Variants in LTBP1 observed in about 807,000 individuals in gnomAD.
LTBP1 encodes latent-transforming growth factor beta-binding protein 1.
In LTBP1, 129 loss-of-function variants were observed where a neutral mutation model predicts 207.6. The ratio of observed to expected loss-of-function variants is 0.62; its 90% CI spans 0.54 to 0.72. The LOEUF is 0.72. Among genes scored for constraint, LTBP1 ranks in the 30% least tolerant of loss-of-function variants. The pLI is 0.00. For synonymous variants in LTBP1, 963 were observed against 833.7 expected, an observed-to-expected ratio of 1.16 and a Z score of -2.67; for missense variants, 2,281 against 2,217.2, an observed-to-expected ratio of 1.03 and a Z score of -0.58.
At chr2:33,326,775 C>T (rs976656507) in intron 24 of LTBP1, among the ~76,000 whole-genome samples, 2 of 152,024 alleles carry the variant, frequency 1.3e-5, no homozygotes, top group Non-Finnish European at 2.9e-5. Context: ...TCTCCTGCCT[C>T]AGCCTCCCCA....
At chr2:33,175,158 G>T (rs866192727) in intron 5 of LTBP1, among the ~76,000 whole-genome samples, 37 of 151,242 alleles carry the variant, frequency 2.4e-4, no homozygotes, top group Non-Finnish European at 2.4e-4. Context: ...TTGACAAATG[G>T]GATCTAATTA....
intron 3 of LTBP1, among the ~76,000 whole-genome samples, chr2:33,096,625 A>G (rs2079408520): frequency 6.6e-6 from 1 of 152,186 alleles, no homozygotes; most frequent in South Asian, 2.1e-4. Flanking sequence ...ATGTTGGTTT[A>G]TTCTTAGAGT....
At chr2:33,262,990 A>C (rs1350247712) in intron 14 of LTBP1, among the ~76,000 whole-genome samples, 169 bp downstream of exon 14, 1 of 151,768 alleles carries the variant, frequency 6.6e-6, no homozygotes, top group Non-Finnish European at 1.5e-5. Context: ...CAGCATTGTA[A>C]GGATTGTAGT....
chr2:33,190,224 T>C (rs1198972434), intron 7 of LTBP1, among the ~76,000 whole-genome samples: 3 of 152,184 alleles, frequency 2.0e-5, no homozygotes, highest in Non-Finnish European at 4.4e-5. Context: ...GATGGAGGCT[T>C]CGTTCTGTGG....
In LTBP1 at chr2:33,369,669, C is replaced by T. The variant is rs374716568; in HGVS notation, c.4711+4166C>T. Among the ~76,000 whole-genome samples the T allele has an allele frequency of 4.4e-4, 67 of 152,176 alleles. No individual in the cohort carries two copies. The South Asian group carries it at 0.012, about 27-fold the overall frequency. ...ACCTCCCAGGTTCAAGAGATTCTCC[C>T]ACCTATTACAGGCGCGCACCACCAC... On this transcript the variant is annotated intron_variant, in intron 31 of 33. Transcript: ENST00000404816.
In LTBP1 at chr2:33,241,928, A is replaced by G. The variant is rs1367261504; in HGVS notation, c.1877-1734A>G. On this transcript the variant is annotated intron_variant, in intron 9 of 33. Coordinates refer to ENST00000404816, the MANE Select transcript of LTBP1 (RefSeq NM_206943.4). Reference sequence around the variant, plus strand: ...GCATTACAGAACAACACACACTTCAATAAATAATGAGATGGTCAGGTGCTG... The same window carrying G: ...GCATTACAGAACAACACACACTTCAGTAAATAATGAGATGGTCAGGTGCTG... 2.6e-5 allele frequency among the ~76,000 whole-genome samples: 4 copies of G among 152,238 alleles called. No homozygotes were observed. The East Asian group carries it at 5.8e-4, about 22-fold the overall frequency.
intron 9 of LTBP1, among the ~76,000 whole-genome samples, chr2:33,235,975 C>T (rs1252493408): frequency 6.6e-6 from 1 of 152,120 alleles, no homozygotes; most frequent in African/African-American, 2.4e-5. Context: ...ATGGGTGCAG[C>T]AAACCACTAT....
chr2:33,281,469 A>C (rs887052843), intron 19 of LTBP1, among the ~76,000 whole-genome samples: 4 of 152,218 alleles, frequency 2.6e-5, no homozygotes, highest in African/African-American at 4.8e-5. Flanking sequence ...GCAAGATGAG[A>C]GGACAGACCA....
intron 9 of LTBP1, among the ~76,000 whole-genome samples, chr2:33,233,745 G>A (rs1319012462): frequency 6.6e-6 from 1 of 152,078 alleles, no homozygotes; most frequent in African/African-American, 2.4e-5. Context: ...GCATAAGAAT[G>A]TGATAATTTT....
Position 33,135,639 on chromosome 2 carries a change from AAGT to A in LTBP1, c.1201+686_1201+688del, listed in dbSNP as rs1444874906. 5.3e-5 allele frequency among the ~76,000 whole-genome samples: 8 copies of A among 152,292 alleles called. No individual in the cohort carries two copies. The South Asian group carries it at 1.7e-3, about 32-fold the overall frequency. On this transcript the variant is annotated intron_variant, in intron 5 of 33. Transcript: ENST00000404816. ...ACTCCTTTAAGTTAATTTAAATATGAAGTAGTAGTTGCTGTCTGCAAGAAAGCC... is the reference window on the plus strand; with the variant it reads ...ACTCCTTTAAGTTAATTTAAATATGAAGTAGTTGCTGTCTGCAAGAAAGCC...
chr2:33,190,069 C>T (rs1226784434), intron 7 of LTBP1, among the ~76,000 whole-genome samples: 1 of 152,104 alleles, frequency 6.6e-6, no homozygotes, highest in Non-Finnish European at 1.5e-5. Context: ...AGGTGTAGTG[C>T]ATGAGTTGTT....
intron 5 of LTBP1, among the ~76,000 whole-genome samples, chr2:33,182,989 A>T (rs1284049851): frequency 6.6e-6 from 1 of 152,078 alleles, no homozygotes; most frequent in East Asian, 1.9e-4. Flanking sequence ...TTGAGAGTTA[A>T]ATGTTTCATT....
Position 33,321,927 on chromosome 2 carries a change from C to T in LTBP1, c.3730+6658C>T, listed in dbSNP as rs550326490. On this transcript the variant is annotated intron_variant, in intron 24 of 33. Coordinates refer to ENST00000404816, the MANE Select transcript of LTBP1 (RefSeq NM_206943.4). ...CTATAAAAGCTACTGTTCACACTCACTCTTCCTGTGAATGTACTTCTGCAG... is the reference window on the plus strand; with the variant it reads ...CTATAAAAGCTACTGTTCACACTCATTCTTCCTGTGAATGTACTTCTGCAG... Among the ~76,000 whole-genome samples, 15 of 152,332 alleles carry T rather than the reference C, an allele frequency of 9.8e-5. No homozygotes were observed. The South Asian group carries it at 3.1e-3, about 32-fold the overall frequency.
chr2:33,020,406 G>A (rs1291612084), intron 2 of LTBP1, among the ~76,000 whole-genome samples: 2 of 152,110 alleles, frequency 1.3e-5, no homozygotes, highest in South Asian at 4.1e-4. Flanking sequence ...TTTAAGTTAA[G>A]CGTATATTTA....
intron 5 of LTBP1, among the ~76,000 whole-genome samples, chr2:33,156,297 C>T (rs2083968640): frequency 6.6e-6 from 1 of 152,210 alleles, no homozygotes; most frequent in African/African-American, 2.4e-5. Flanking sequence ...ATAGCTAACT[C>T]TGTGCTGGGG....
chr2:32,953,661 G>A (rs1228262530), intron 2 of LTBP1, among the ~76,000 whole-genome samples: 2 of 152,122 alleles, frequency 1.3e-5, no homozygotes, highest in Non-Finnish European at 2.9e-5. Flanking sequence ...TGAGGATGCC[G>A]CCCGCCCCCT....
chr2:33,207,038 T>G (rs2149210986), intron 7 of LTBP1, among the ~76,000 whole-genome samples: 1 of 152,320 alleles, frequency 6.6e-6, no homozygotes, highest in South Asian at 2.1e-4. Context: ...AATTTTCTTT[T>G]TGCAACTTAA....
chr2:33,030,679 C>G (rs1228677568), intron 3 of LTBP1, among the ~76,000 whole-genome samples: 1 of 152,124 alleles, frequency 6.6e-6, no homozygotes, highest in East Asian at 1.9e-4. Context: ...AATTTAGTGA[C>G]TTTTATGTGA....
intron 22 of LTBP1, among the ~76,000 whole-genome samples, chr2:33,307,003 G>T (rs1265123875): frequency 1.3e-5 from 2 of 152,168 alleles, no homozygotes; most frequent in African/African-American, 4.8e-5. Context: ...CAGGAGAATT[G>T]CTTGAACCCG....
Sources: allele counts gnomAD v4.1 joint callset (sites outside exome capture counted in the v4.1 genomes callset), GRCh38; gene constraint gnomAD v4.1.1; transcripts MANE v1.5; gene names NCBI Gene and HGNC (gene_info 2026-07-23, HGNC 2026-07-21).